DNMT3A: variants seen among roughly 807,000 people sequenced by gnomAD.
DNMT3A encodes DNA (cytosine-5)-methyltransferase 3A.
A neutral mutation model predicts 117.6 loss-of-function variants in DNMT3A; 267 were observed. That is an observed-to-expected ratio of 2.27 (90% CI 2.05 to 2.51). The LOEUF (loss-of-function observed/expected upper bound fraction) is 2.51. Ranked by LOEUF, DNMT3A falls within the 30% of genes most tolerant of loss-of-function variation. DNMT3A has a pLI of 0.00. For synonymous variants in DNMT3A, 432 were observed against 474.8 expected (o/e 0.91, Z 1.17); for missense variants, 1,029 against 1,260.2 (o/e 0.82, Z 2.78).
rs553482426 is a variant in DNMT3A, at chr2:25,281,712, T to C, written c.448+729A>G. 16 of 1,065,844 alleles carry C rather than the reference T, an allele frequency of 1.5e-5. No individual in the cohort carries two copies. In the South Asian group the frequency reaches 5.9e-4, roughly 39 times the overall value. The allele number at this position is 1,065,844 out of a possible 1,614,324, so 66.0% of individuals were successfully genotyped here. On this transcript the variant is annotated intron_variant, in intron 4 of 22. Transcript: ENST00000321117. This position sits in a 1 kb window ranked among gnomAD's most constrained non-coding sequence, Gnocchi z 4.8. ...ATGCTAGTTGTCCTCATTACTAACA[T>C]GTTTACAGCTCGGTTGGCCCTGAAA... is the stretch of plus-strand genomic sequence containing the variant.
chr2:25,321,065 G>A (rs1252960654), intron 1 of DNMT3A, among the ~76,000 whole-genome samples: 2 of 151,962 alleles, frequency 1.3e-5, no homozygotes, highest in Admixed American at 6.6e-5. Flanking sequence ...CCTGGGAGGC[G>A]GAGGTTGCGG....
intron 5 of DNMT3A, 119 bp downstream of exon 5, chr2:25,275,381 A>T: frequency 7.1e-7 from 1 of 1,408,744 alleles, no homozygotes. Context: ...TCTCCTTCCC[A>T]CAGAGGGATG....
At chr2:25,308,728 T>C (rs2033914664) in intron 2 of DNMT3A, among the ~76,000 whole-genome samples, 1 of 152,080 alleles carries the variant, frequency 6.6e-6, no homozygotes. Flanking sequence ...TAAGTGACCA[T>C]GTGGGGGCAT....
intron 2 of DNMT3A, among the ~76,000 whole-genome samples, chr2:25,301,709 C>T (rs1474455399): frequency 2.6e-5 from 4 of 152,202 alleles, no homozygotes; most frequent in South Asian, 2.1e-4. Context: ...GGGAGAAAGA[C>T]GTCCTGACCC....
At chr2:25,297,084 C>T (rs2033133492) in intron 3 of DNMT3A, among the ~76,000 whole-genome samples, 1 of 152,292 alleles carries the variant, frequency 6.6e-6, no homozygotes, top group Admixed American at 6.5e-5. Flanking sequence ...TGTGCTCCTG[C>T]ATGGGAGGGG....
intron 6 of DNMT3A, among the ~76,000 whole-genome samples, chr2:25,262,793 CT>C (rs34234625): frequency 0.48 from 72,232 of 151,852 alleles, 17,466 homozygotes; most frequent in African/African-American, 0.56. Context: ...ATGTGACCAT[CT>C]TGCTTTCTAG....
At chr2:25,310,555 A>T (rs2149423437) in intron 2 of DNMT3A, among the ~76,000 whole-genome samples, 1 of 152,224 alleles carries the variant, frequency 6.6e-6, no homozygotes, top group African/African-American at 2.4e-5. Context: ...GCCTCAGCCC[A>T]GCACCCACAG....
At chr2:25,265,522 T>TA (rs950052703) in intron 6 of DNMT3A, among the ~76,000 whole-genome samples, 1 of 152,046 alleles carries the variant, frequency 6.6e-6, no homozygotes, top group Non-Finnish European at 1.5e-5. Flanking sequence ...AAATACAGGT[T>TA]AAAAAAATAC....
At chr2:25,319,825 A>G (rs113323850) in intron 1 of DNMT3A, among the ~76,000 whole-genome samples, 7,959 of 149,176 alleles carry the variant, frequency 0.053, 248 homozygotes, top group Middle Eastern at 0.087. Flanking sequence ...GCTGGAGTGC[A>G]GTGGCGCATT....
At chr2:25,341,166 G>C (rs1365795410) in intron 1 of DNMT3A, among the ~76,000 whole-genome samples, 1 of 144,976 alleles carries the variant, frequency 6.9e-6, no homozygotes, top group African/African-American at 2.5e-5. Flanking sequence ...CCGCCCCCGG[G>C]GGCCTCCCGG....
rs2033795841 is a variant in DNMT3A at position 25,306,624 on chromosome 2, T to C, written c.73-6381A>G. 6.6e-6 allele frequency among the ~76,000 whole-genome samples: 1 copy of C among 152,136 alleles called. No homozygotes were observed. On this transcript the variant is annotated intron_variant, in intron 2 of 22. Transcript: ENST00000321117. The surrounding 1 kb of genome is among the most constrained non-coding windows in gnomAD (Gnocchi z 4.1). The stretch of plus-strand genomic sequence containing the variant: ...GCTGCAGCCCCTTGTCCACAGCCTG[T>C]CCACCTGGCTGGGGCCTCATTGTCT...
chr2:25,302,599 T>C (rs554321191), intron 2 of DNMT3A, among the ~76,000 whole-genome samples: 7 of 152,178 alleles, frequency 4.6e-5, no homozygotes, highest in Admixed American at 4.6e-4. Context: ...CGCGGGAGCC[T>C]TCATGAGGGC....
intron 2 of DNMT3A, among the ~76,000 whole-genome samples, chr2:25,300,707 AATATAATATATATATATATATATAT>A (rs1291671056): frequency 1.0e-4 from 6 of 57,866 alleles, no homozygotes; most frequent in African/African-American, 2.8e-4. Context: ...ATATCTAAAT[AATATAATATATATATATATATATAT>A]ATATATATAT....
rs918579966 is a variant in DNMT3A, at chr2:25,272,948, C to G, written c.639+1993G>C. Among the ~76,000 whole-genome samples, 3 of 150,132 alleles carry G rather than the reference C, an allele frequency of 2.0e-5. No individual in the cohort carries two copies. The East Asian group carries it at 5.8e-4, about 29-fold the overall frequency. ...TCTTGAGTAGCTGGGACTATAGGCACGCACCACCACACCTGGCTAATTGTT... is the reference window on the plus strand; with the variant it reads ...TCTTGAGTAGCTGGGACTATAGGCAGGCACCACCACACCTGGCTAATTGTT... On this transcript the variant is annotated intron_variant, in intron 6 of 22. Transcript: ENST00000321117.
rs2034124424 is a variant in DNMT3A, at chr2:25,311,601, TG to T, written c.72+2311del. Among the ~76,000 whole-genome samples the T allele has an allele frequency of 4.6e-5, 7 of 152,208 alleles. No individual in the cohort carries two copies. The highest frequency in any genetic ancestry group is 2.0e-4 in the Admixed American group (3 of 15,284). On this transcript the variant is annotated intron_variant, in intron 2 of 22. Transcript: ENST00000321117. The surrounding 1 kb of genome is among the most constrained non-coding windows in gnomAD (Gnocchi z 5.2). ...CTCTATCAGCACCGGGATCTAGGGCTGGGTGTGTGTTTGTTGCCGCTTGAGC... is the reference window on the plus strand; with the variant it reads ...CTCTATCAGCACCGGGATCTAGGGCTGGTGTGTGTTTGTTGCCGCTTGAGC...
Position 25,341,898 on chromosome 2 carries a change from C to A in DNMT3A, c.-250G>T. 1 of 980,552 alleles carries A rather than the reference C, an allele frequency of 1.0e-6. No homozygotes were observed. Among genetic ancestry groups the A allele is most frequent in the South Asian group, 4.5e-5 (1 of 22,078 alleles). 60.7% of individuals were successfully genotyped at this position (980,552 alleles called of 1,614,324 possible). A position where few individuals can be genotyped will look rare whatever the true frequency, so the allele number is the denominator to read the frequency against. ...GCGGCGCCGCGTCCCGGCTCGTCCTCTGCTCTCGCCGCCGCCGCCGCCCGC... is the reference window on the plus strand; with the variant it reads ...GCGGCGCCGCGTCCCGGCTCGTCCTATGCTCTCGCCGCCGCCGCCGCCCGC... On this transcript the variant is annotated 5_prime_UTR_variant, in exon 1 of 23. Coordinates refer to ENST00000321117, the MANE Select transcript of DNMT3A (RefSeq NM_022552.5).
chr2:25,231,095 G>A lies in DNMT3A; in HGVS notation c.*3184C>T, dbSNP rs1672852560. On this transcript the variant is annotated 3_prime_UTR_variant, in exon 23 of 23. Coordinates refer to ENST00000321117, the MANE Select transcript of DNMT3A (RefSeq NM_022552.5). ...ACTAAGCAGTGGCTTGGGAGAGCCT[G>A]AGCCTTAGAAGACTCTGTCCTGACC... is the stretch of plus-strand genomic sequence containing the variant. 1 of 152,344 alleles carries A rather than the reference G, an allele frequency of 6.6e-6. No individual in the cohort carries two copies. Among genetic ancestry groups the A allele is most frequent in the South Asian group, 2.1e-4 (1 of 4,832 alleles). 9.4% of individuals were successfully genotyped at this position (152,344 alleles called of 1,614,324 possible).
At chr2:25,270,945 A>T (rs980978706) in intron 6 of DNMT3A, among the ~76,000 whole-genome samples, 6 of 151,610 alleles carry the variant, frequency 4.0e-5, no homozygotes, top group Non-Finnish European at 5.9e-5. Context: ...AATCGCTTGA[A>T]CCTGGGAGAT....
intron 6 of DNMT3A, chr2:25,251,877 G>T: frequency 2.3e-6 from 1 of 426,970 alleles, no homozygotes; most frequent in South Asian, 4.2e-5. Context: ...CCAACTCCTG[G>T]GCCACCAGCT....
Sources: gnomAD v4.1 joint callset for allele counts (sites outside exome capture counted in the v4.1 genomes callset) on GRCh38, gnomAD v4.1.1 for gene constraint, Gnocchi (gnomAD v3.1) non-coding constraint, MANE v1.5 for transcripts, NCBI Gene and HGNC (gene_info 2026-07-23, HGNC 2026-07-21) for gene names.